The following CSMD3 variants were observed in gnomAD, a reference collection of about 807,000 sequenced individuals.
CSMD3 encodes the protein CUB and Sushi multiple domains 3, also known as CUB and sushi domain-containing protein 3.
CSMD3 carries 177 observed loss-of-function variants against 435.2 expected under a neutral mutation model. The observed-to-expected ratio is 0.41, with a 90% CI of 0.36 to 0.46. The LOEUF (loss-of-function observed/expected upper bound fraction) is 0.46, where lower values mean the gene tolerates loss of function less well. Among genes scored for constraint, CSMD3 ranks in the 20% least tolerant of loss-of-function variants. CSMD3 has a pLI of 0.34. For synonymous variants in CSMD3, 1,656 were observed against 1,520.5 expected, an observed-to-expected ratio of 1.09 and a Z score of -2.07; for missense variants, 4,265 against 4,504.6, an observed-to-expected ratio of 0.95 and a Z score of 1.52.
intron 10 of CSMD3, among the ~76,000 whole-genome samples, chr8:112,868,924 G>GAA (rs11420568): frequency 6.6e-6 from 1 of 151,844 alleles, no homozygotes; most frequent in African/African-American, 2.4e-5. Context: ...AAGAAAACAG[G>GAA]AAAAAAATCT....
intron 6 of CSMD3, among the ~76,000 whole-genome samples, chr8:112,985,296 C>A (rs557400820): frequency 6.6e-6 from 1 of 151,266 alleles, no homozygotes; most frequent in African/African-American, 2.4e-5. Context: ...GAAAAAGGTG[C>A]GGTAGGGGAA....
At chr8:113,167,047 T>C (rs1440979138) in intron 4 of CSMD3, among the ~76,000 whole-genome samples, 1 of 152,112 alleles carries the variant, frequency 6.6e-6, no homozygotes, top group Non-Finnish European at 1.5e-5. Flanking sequence ...AGGTTTTATA[T>C]CTTCTCAGTG....
chr8:113,399,106 T>TATATATACATATATACAC (rs773585004), intron 1 of CSMD3, among the ~76,000 whole-genome samples: 4 of 95,096 alleles, frequency 4.2e-5, no homozygotes, highest in African/African-American at 9.0e-5. Context: ...TATATATATA[T>TATATATACATATATACAC]ACACACACAC....
At chr8:113,411,334 C>G (rs748767802) in intron 1 of CSMD3, among the ~76,000 whole-genome samples, 14 of 152,284 alleles carry the variant, frequency 9.2e-5, no homozygotes, top group Admixed American at 3.3e-4. Flanking sequence ...TTAGGAAACT[C>G]TTAAGTTAGG....
intron 13 of CSMD3, among the ~76,000 whole-genome samples, chr8:112,783,664 A>G (rs1034324913): frequency 6.6e-6 from 1 of 152,128 alleles, no homozygotes; most frequent in Non-Finnish European, 1.5e-5. Flanking sequence ...ATGGATTTTT[A>G]AAAAGTCCTA....
intron 10 of CSMD3, among the ~76,000 whole-genome samples, chr8:112,920,914 TATATACACAC>T (rs2082715012): frequency 7.0e-6 from 1 of 142,092 alleles, no homozygotes; most frequent in Admixed American, 7.1e-5. Flanking sequence ...TATATATATA[TATATACACAC>T]ACACACACAC....
At chr8:113,410,820 G>A (rs941412082) in intron 1 of CSMD3, among the ~76,000 whole-genome samples, 1 of 150,502 alleles carries the variant, frequency 6.6e-6, no homozygotes, top group African/African-American at 2.5e-5. Context: ...GTGGAGGATC[G>A]CTTAAGTTTT....
chr8:112,429,436 T>G (rs1813427039), intron 32 of CSMD3, among the ~76,000 whole-genome samples: 1 of 151,840 alleles, frequency 6.6e-6, no homozygotes, highest in Non-Finnish European at 1.5e-5. Context: ...GCAAAAAAGA[T>G]ATATATATAT....
intron 4 of CSMD3, among the ~76,000 whole-genome samples, chr8:113,155,617 GA>G (rs1009216975): frequency 1.3e-5 from 2 of 151,896 alleles, no homozygotes; most frequent in African/African-American, 4.8e-5. Flanking sequence ...AGTACAGTTG[GA>G]AAAACAAATC....
intron 2 of CSMD3, among the ~76,000 whole-genome samples, chr8:113,305,776 G>A (rs982726028): frequency 2.0e-5 from 3 of 152,172 alleles, no homozygotes; most frequent in Admixed American, 1.3e-4. Flanking sequence ...ATGCTCCAAA[G>A]TAAGTAATGA....
At chr8:112,506,857 T>C in intron 28 of CSMD3, 28 bp from the exon 29 acceptor site, 3 of 1,578,104 alleles carry the variant, frequency 1.9e-6, no homozygotes, top group Non-Finnish European at 2.6e-6. Context: ...AAATAAAATC[T>C]CTTTAAACAT....
chr8:113,422,903 G>A (rs962183859), intron 1 of CSMD3, among the ~76,000 whole-genome samples: 15 of 151,582 alleles, frequency 9.9e-5, no homozygotes, highest in South Asian at 4.2e-4. Context: ...CAAACTGCTT[G>A]GAATGAGAAG....
chr8:112,652,308 G>T (rs2075147465), intron 18 of CSMD3, among the ~76,000 whole-genome samples: 1 of 152,004 alleles, frequency 6.6e-6, no homozygotes, highest in Non-Finnish European at 1.5e-5. Context: ...TAACAGAAAA[G>T]TTTAGACCCC....
chr8:113,233,506 TTAA>T (rs1349367973), intron 3 of CSMD3, among the ~76,000 whole-genome samples: 1 of 150,748 alleles, frequency 6.6e-6, no homozygotes, highest in Non-Finnish European at 1.5e-5. Context: ...TATGCTAATA[TTAA>T]TGTTAGAATA....
chr8:113,148,034 C>G (rs377335081), intron 4 of CSMD3, among the ~76,000 whole-genome samples: 1 of 151,560 alleles, frequency 6.6e-6, no homozygotes, highest in South Asian at 2.1e-4. Context: ...TACACTCCCA[C>G]TTTCTCAAAC....
intron 18 of CSMD3, 56 bp downstream of exon 18, chr8:112,656,098 A>T (rs1302801396): frequency 3.2e-6 from 3 of 941,188 alleles, no homozygotes; most frequent in Non-Finnish European, 5.2e-6. Context: ...AACTATAATA[A>T]TACAAAAAGT....
chr8:112,570,827 A>G (rs1829443945), intron 24 of CSMD3, among the ~76,000 whole-genome samples: 1 of 152,266 alleles, frequency 6.6e-6, no homozygotes, highest in African/African-American at 2.4e-5. Context: ...TAGGCTATAA[A>G]CATTTTGTTT....
chr8:113,242,780 TTTTC>T (rs1175287097), intron 3 of CSMD3, among the ~76,000 whole-genome samples: 2 of 151,996 alleles, frequency 1.3e-5, no homozygotes, highest in African/African-American at 4.8e-5. Flanking sequence ...TGAAGTATAT[TTTTC>T]TTTATTAAAT....
At chr8:112,333,364 G>A (rs577798775) in intron 45 of CSMD3, among the ~76,000 whole-genome samples, 25 of 151,966 alleles carry the variant, frequency 1.6e-4, no homozygotes, top group African/African-American at 5.5e-4. Context: ...ACGGGGTTTC[G>A]CCATGTGGGT....
Sources: allele counts gnomAD v4.1 joint callset (sites outside exome capture counted in the v4.1 genomes callset), GRCh38; gene constraint gnomAD v4.1.1; transcripts MANE v1.5; gene names NCBI Gene and HGNC (gene_info 2026-07-23, HGNC 2026-07-21).